INTS3: variants seen among roughly 807,000 people sequenced by gnomAD.
INTS3 encodes SOSS complex subunit A.
In INTS3, 34 loss-of-function variants were observed where a neutral mutation model predicts 146.3. The ratio of observed to expected loss-of-function variants is 0.23; its 90% CI spans 0.18 to 0.31. The LOEUF is 0.31. INTS3 is among the 10% of genes least tolerant of loss of function. The pLI is 1.00. For synonymous variants in INTS3, 475 were observed against 494.9 expected (o/e 0.96, Z 0.53); for missense variants, 757 against 1,304.2 (o/e 0.58, Z 6.46).
chr1:153,750,078 C>T (rs537664572), intron 6 of INTS3, among the ~76,000 whole-genome samples: 1 of 152,326 alleles, frequency 6.6e-6, no homozygotes, highest in East Asian at 1.9e-4. Flanking sequence ...GAAACGTTCC[C>T]CAGTAACCTT....
In INTS3 at chr1:153,772,899, A is replaced by C. The variant is rs771062691; in HGVS notation, c.2895-26A>C. ...CCGTAGGAGCAGCAGGCTCCCACTC[A>C]AAGAGCTACCGCTCCTTTTCCTTAG... On this transcript the variant is annotated intron_variant, in intron 28 of 29. Coordinates refer to ENST00000318967, the MANE Select transcript of INTS3 (RefSeq NM_023015.5). This position sits in a 1 kb window ranked among gnomAD's most constrained non-coding sequence, Gnocchi z 4.6. 1.1e-5 allele frequency: 17 copies of C among 1,613,632 alleles called. No homozygotes were observed. Among genetic ancestry groups the C allele is most frequent in the Non-Finnish European group, 1.2e-5 (14 of 1,179,826 alleles).
Position 153,764,290 on chromosome 1 carries a change from A to T in INTS3, c.1925+69A>T, listed in dbSNP as rs574910961. 54 of 1,043,892 alleles carry T rather than the reference A, an allele frequency of 5.2e-5. No homozygotes were observed. In the East Asian group the frequency reaches 1.3e-3, roughly 25 times the overall value. 64.7% of individuals were successfully genotyped at this position (1,043,892 alleles called of 1,614,324 possible). ...GGTGCTCTTACAGCCTGAGTCCAAG[A>T]GACCCCTTACTGTAGACTTGAGAAA... On this transcript the variant is annotated intron_variant, in intron 18 of 29. Transcript: ENST00000318967.
chr1:153,760,289 T>C, intron 11 of INTS3, 22 bp from the exon 12 acceptor site: 1 of 1,312,012 alleles, frequency 7.6e-7, no homozygotes. Context: ...TGTGAGGGGC[T>C]CTTTAATTTC....
In INTS3 at chr1:153,772,555, A is replaced by T; in HGVS notation, c.2822-84A>T. On this transcript the variant is annotated intron_variant, in intron 27 of 29. Coordinates refer to ENST00000318967, the MANE Select transcript of INTS3 (RefSeq NM_023015.5). This position sits in a 1 kb window ranked among gnomAD's most constrained non-coding sequence, Gnocchi z 4.6. ...CCCGGGGCCACAACCCACACTCGGGATAAAACAACCTGTGCGTGCTGTTTA... is the reference window on the plus strand; with the variant it reads ...CCCGGGGCCACAACCCACACTCGGGTTAAAACAACCTGTGCGTGCTGTTTA... The T allele has an allele frequency of 6.2e-7, 1 of 1,611,000 alleles. No individual in the cohort carries two copies. The highest frequency in any genetic ancestry group is 1.3e-5 in the African/African-American group (1 of 74,974).
At chr1:153,753,217 C>T (rs756745472) in intron 8 of INTS3, among the ~76,000 whole-genome samples, 1 of 152,130 alleles carries the variant, frequency 6.6e-6, no homozygotes, top group Non-Finnish European at 1.5e-5. Context: ...ATTTAATCTT[C>T]TGGACAGCCC....
At position 153,774,278 on chromosome 1, in the gene INTS3, T is replaced by G. The variant is rs372993635; in HGVS notation, c.*1008T>G. The G allele has an allele frequency of 2.0e-5, 3 of 152,380 alleles. 1 individual carries two copies. The allele number at this position is 152,380 out of a possible 1,614,324, so 9.4% of individuals were successfully genotyped here. ...GCCACTGGAGGTGGGAGCCAGGCACTGATCTGTCTATGCAGAACCATCCCC... is the reference window on the plus strand; with the variant it reads ...GCCACTGGAGGTGGGAGCCAGGCACGGATCTGTCTATGCAGAACCATCCCC... On this transcript the variant is annotated 3_prime_UTR_variant, in exon 30 of 30. Transcript: ENST00000318967.
chr1:153,753,239 T>C (rs1376863448), intron 8 of INTS3, among the ~76,000 whole-genome samples: 1 of 152,176 alleles, frequency 6.6e-6, no homozygotes, highest in Non-Finnish European at 1.5e-5. Context: ...GTGAGTATTT[T>C]AGTTTCTACA....
intron 1 of INTS3, among the ~76,000 whole-genome samples, chr1:153,735,934 GTT>G (rs1181764908): frequency 6.6e-6 from 1 of 152,094 alleles, no homozygotes; most frequent in Non-Finnish European, 1.5e-5. Context: ...GTCTCTTTCT[GTT>G]CCCCAGGCTA....
At chr1:153,729,970 G>A (rs1299926576) in intron 1 of INTS3, among the ~76,000 whole-genome samples, 1 of 152,062 alleles carries the variant, frequency 6.6e-6, no homozygotes, top group East Asian at 1.9e-4. Context: ...GACAGGATGA[G>A]TACATTAACA....
At chr1:153,754,450 G>A (rs375681569) in intron 8 of INTS3, among the ~76,000 whole-genome samples, 192 bp from the exon 9 acceptor site, 2 of 152,188 alleles carry the variant, frequency 1.3e-5, no homozygotes, top group South Asian at 2.1e-4. Context: ...GGGGATAGTG[G>A]TTGTTTGGAG....
Position 153,761,571 on chromosome 1 carries a change from C to A in INTS3, c.1411C>A (p.His471Asn). The A allele has an allele frequency of 6.2e-7, 1 of 1,608,714 alleles. No homozygotes were observed. The highest frequency in any genetic ancestry group is 1.1e-5 in the South Asian group (1 of 90,886). Residue 471 changes from histidine to asparagine, a missense_variant and splice_region_variant, in exon 14 of 30, where the codon CAC (histidine) becomes AAC (asparagine). Physicochemically the swap from His to Asn is moderately conservative, Grantham distance 68. Around this residue, in one of 8 missense-constraint regions of INTS3, gnomAD observed 97 missense variants for 113.6 expected, o/e 0.85. Transcript: ENST00000318967. ...NHIVEKRVLA[H>N]LAPLFDNPKL... is the part of the protein sequence containing the mutation. Reference sequence around the variant, plus strand: ...ACCTTCATCATGTTCCCCATTTAGACACCTAGCTCCCCTGTTTGACAACCC... The same window carrying A: ...ACCTTCATCATGTTCCCCATTTAGAAACCTAGCTCCCCTGTTTGACAACCC...
rs887561921 is a variant in INTS3, at chr1:153,761,628, A to G, written c.1468A>G (p.Arg490Gly). 6 of 1,614,086 alleles carry G rather than the reference A, an allele frequency of 3.7e-6. No homozygotes were observed. The African/African-American group carries it at 4.0e-5, about 11-fold the overall frequency. ...GGATAAGGAGCTGCGGGCAATGCTG[A>G]GAGAGAAGTTTCCTGAGTTCTGCAG... ...KLDKELRAML[R>G]EKFPEFCSSP... The change falls in exon 14 of 30, where the codon AGA becomes GGA. Residue 490 changes from arginine (R) to glycine (G), a missense_variant. Transcript: ENST00000318967.
chr1:153,754,346 T>C (rs1247077669), intron 8 of INTS3, among the ~76,000 whole-genome samples: 1 of 152,158 alleles, frequency 6.6e-6, no homozygotes. Flanking sequence ...CCCATATTTT[T>C]CCCTTAACTT....
At position 153,772,596 on chromosome 1, in the gene INTS3, T is replaced by C; in HGVS notation, c.2822-43T>C. The C allele has an allele frequency of 1.2e-6, 2 of 1,613,814 alleles. No individual in the cohort carries two copies. Among genetic ancestry groups the C allele is most frequent in the Non-Finnish European group, 1.7e-6 (2 of 1,179,852 alleles). ...GTGCTGTTTAATAAGCTCCCAGACA[T>C]CTGATTGTTTTTCCTTCCCTGCTCT... On this transcript the variant is annotated intron_variant, in intron 27 of 29. Transcript: ENST00000318967. This position sits in a 1 kb window ranked among gnomAD's most constrained non-coding sequence, Gnocchi z 4.6.
At chr1:153,771,344 T>A (rs1322198687) in intron 25 of INTS3, among the ~76,000 whole-genome samples, 1 of 152,176 alleles carries the variant, frequency 6.6e-6, no homozygotes, top group Non-Finnish European at 1.5e-5. Context: ...TGGTACAGAG[T>A]GTCCTAGAGG....
Position 153,772,203 on chromosome 1 carries a change from CCCCAGCCCT to C in INTS3, c.2721-131_2721-123del. The stretch of plus-strand genomic sequence containing the variant: ...TTCTAGGCACACCTTTCTCACCCAA[CCCCAGCCCT>C]CCCAGGCTGCCTATCCTGTTCCCCA... On this transcript the variant is annotated intron_variant, in intron 26 of 29. Transcript: ENST00000318967. The surrounding 1 kb of genome is among the most constrained non-coding windows in gnomAD (Gnocchi z 4.6). 1 of 1,066,524 alleles carries C rather than the reference CCCCAGCCCT, an allele frequency of 9.4e-7. No individual in the cohort carries two copies. The highest frequency in any genetic ancestry group is 1.4e-6 in the Non-Finnish European group (1 of 732,378). 66.1% of individuals were successfully genotyped at this position (1,066,524 alleles called of 1,614,324 possible).
chr1:153,752,627 C>T (rs1044243487), intron 8 of INTS3, among the ~76,000 whole-genome samples: 2 of 152,208 alleles, frequency 1.3e-5, no homozygotes, highest in East Asian at 1.9e-4. Flanking sequence ...CAGACTCCAG[C>T]TGCCACATTA....
chr1:153,764,995 C>A lies in INTS3; in HGVS notation c.2022C>A (p.Asp674Glu). ...EDNSSFSLLL[D>E]LLSELYQKQP... ...ACAGCAGCTTCTCTCTACTTCTAGA[C>A]CTTCTCTCCGAGCTATATCAGAAGC... Residue 674 changes from aspartate to glutamate, a missense_variant, in exon 20 of 30, where the codon GAC becomes GAA. By Grantham distance (45) the Asp-to-Glu change is conservative. Transcript: ENST00000318967. 6.2e-7 allele frequency: 1 copy of A among 1,614,054 alleles called. No homozygotes were observed. Among genetic ancestry groups the A allele is most frequent in the Non-Finnish European group, 8.5e-7 (1 of 1,179,904 alleles).
intron 6 of INTS3, among the ~76,000 whole-genome samples, chr1:153,749,548 C>A (rs1174758124): frequency 3.3e-5 from 5 of 152,342 alleles, no homozygotes; most frequent in Non-Finnish European, 7.3e-5. Flanking sequence ...GTGCTGTGCT[C>A]TGCCCAGGTC....
Sources: allele counts gnomAD v4.1 joint callset (sites outside exome capture counted in the v4.1 genomes callset), GRCh38; gene constraint gnomAD v4.1.1; regional missense constraint gnomAD v4.1.1; non-coding constraint Gnocchi (gnomAD v3.1); transcripts MANE v1.5; gene names NCBI Gene and HGNC (gene_info 2026-07-23, HGNC 2026-07-21).